SH2D3A: variants seen among roughly 807,000 people sequenced by gnomAD.
SH2D3A encodes the protein SH2 domain containing 3A.
SH2D3A carries 46 observed loss-of-function variants against 50.6 expected under a neutral mutation model. The ratio of observed to expected loss-of-function variants is 0.91; its 90% confidence interval spans 0.72 to 1.16. SH2D3A has a LOEUF of 1.16. Among genes scored for constraint, SH2D3A ranks in the 50% most tolerant of loss-of-function variants. The probability of loss-of-function intolerance (pLI) is 0.00; values close to 1 mark genes in which losing one functional copy is unlikely to be tolerated. For synonymous variants in SH2D3A, 377 were observed against 348.4 expected, an observed-to-expected ratio of 1.08 and a Z score of -0.91; for missense variants, 783 against 786.2, an observed-to-expected ratio of 1.00 and a Z score of 0.05.
intron 4 of SH2D3A, chr19:6,757,722 A>G (rs1969777007): frequency 6.6e-6 from 1 of 152,190 alleles, no homozygotes; most frequent in South Asian, 2.1e-4. Flanking sequence ...AGGTGGGTGG[A>G]TCACCTGAGG....
At chr19:6,760,080 A>G (rs1209634100) in intron 3 of SH2D3A, among the ~76,000 whole-genome samples, 2 of 151,150 alleles carry the variant, frequency 1.3e-5, no homozygotes, top group Non-Finnish European at 2.9e-5. Context: ...CTCTACTAAA[A>G]ATACAAAAAA....
Position 6,760,653 on chromosome 19 carries a change from C to T in SH2D3A, c.404G>A (p.Arg135Gln), listed in dbSNP as rs747298142. The T allele has an allele frequency of 6.3e-7, 1 of 1,581,814 alleles. No homozygotes were observed. Among genetic ancestry groups the T allele is most frequent in the Admixed American group, 1.8e-5 (1 of 56,844 alleles). ...CTGTGAGTACCTGAGAGGCTCTATC[C>T]GAGCTGGGCCATCCATCAGGGTGTC... ...SEDTLMDGPA[R>Q]IEPLRARKWS... The change falls in exon 3 of 10, where the codon CGG becomes CAG. Residue 135 changes from arginine to glutamine, a missense_variant. Physicochemically the swap from Arg to Gln is conservative, Grantham distance 43. Transcript: ENST00000245908.
intron 2 of SH2D3A, among the ~76,000 whole-genome samples, chr19:6,761,873 C>G (rs945630546): frequency 2.0e-5 from 3 of 150,358 alleles, no homozygotes; most frequent in African/African-American, 7.4e-5. Context: ...CGCTTGAACC[C>G]AGGAGGCAGA....
At chr19:6,764,070 ACC>A (rs1970177972) in intron 1 of SH2D3A, 1 of 168,902 alleles carries the variant, frequency 5.9e-6, no homozygotes, top group South Asian at 1.4e-4. Context: ...GCACCACCAC[ACC>A]CAGCTAATGT....
intron 2 of SH2D3A, among the ~76,000 whole-genome samples, chr19:6,761,950 A>C (rs1261535188): frequency 7.4e-6 from 1 of 134,842 alleles, no homozygotes; most frequent in Non-Finnish European, 1.6e-5. Context: ...TCATGTCTCA[A>C]AAACAAAAAA....
rs1047471525 is a variant in SH2D3A at position 6,753,947 on chromosome 19, G to T, written c.1384+105C>A. On this transcript the variant is annotated intron_variant, in intron 8 of 9. Coordinates refer to ENST00000245908, the MANE Select transcript of SH2D3A (RefSeq NM_005490.3). ...TGGAGGGCGGGGCCTATGGTGAAGG[G>T]ACCGGGCCTAGAACAGATGCAGGGA... 5.9e-6 allele frequency: 8 copies of T among 1,352,048 alleles called. No individual in the cohort carries two copies. The African/African-American group carries it at 1.0e-4, about 17-fold the overall frequency. The allele number at this position is 1,352,048 out of a possible 1,614,324, so 83.8% of individuals were successfully genotyped here.
chr19:6,755,122 C>T lies in SH2D3A; in HGVS notation c.690G>A (p.Thr230=), dbSNP rs770623999. 59 of 1,613,728 alleles carry T rather than the reference C, an allele frequency of 3.7e-5. No individual in the cohort carries two copies. The highest frequency in any genetic ancestry group is 1.1e-4 in the South Asian group (10 of 91,068). Residue 230 remains threonine (T), a synonymous_variant, in exon 5 of 10, where the codon ACG becomes ACA. Transcript: ENST00000245908. ...ELPDASERPP[T]YCELVPRVPS... ...GCACTCGGGGCACCAGCTCGCAGTA[C>T]GTCGGGGGACGTTCAGAGGCATCAG... is the stretch of plus-strand genomic sequence containing the variant.
chr19:6,754,694 C>G lies in SH2D3A; in HGVS notation c.1019G>C (p.Gly340Ala). 9 of 1,614,168 alleles carry G rather than the reference C, an allele frequency of 5.6e-6. No homozygotes were observed. The highest frequency in any genetic ancestry group is 7.6e-6 in the Non-Finnish European group (9 of 1,180,024). Residue 340 changes from glycine to alanine, a missense_variant, in exon 6 of 10, where the codon GGC (glycine) becomes GCC (alanine). By Grantham distance (60) the Gly-to-Ala change is moderately conservative. Transcript: ENST00000245908. Reference sequence around the variant, plus strand: ...CAGGCCAGATGAGACTCCCATGTTGCCCCGCTGATCTCTGGTCACTCCCAG... The same window carrying G: ...CAGGCCAGATGAGACTCCCATGTTGGCCCGCTGATCTCTGGTCACTCCCAG... ...GLLGVTRDQR[G>A]NMGVSSGLEL...
intron 1 of SH2D3A, 36 bp from the exon 2 acceptor site, chr19:6,763,852 C>T: frequency 1.5e-6 from 1 of 680,944 alleles, no homozygotes; most frequent in Non-Finnish European, 2.4e-6. Context: ...GCTTGAGTGT[C>T]TGGGTCAGCT....
intron 3 of SH2D3A, 150 bp from the exon 4 acceptor site, chr19:6,759,820 G>A (rs2144616860): frequency 1.5e-6 from 1 of 680,176 alleles, no homozygotes; most frequent in African/African-American, 1.8e-5. Flanking sequence ...GCAACGTGTG[G>A]AGACATCTTT....
Position 6,752,495 on chromosome 19 carries a change from C to T in SH2D3A, c.*98G>A. On this transcript the variant is annotated 3_prime_UTR_variant, in exon 10 of 10. Transcript: ENST00000245908. ...CTTCTGTGAGGCACAGGGCAGGATT[C>T]CACCTGAGGCGCGAGGAGCCTGGGA... The T allele has an allele frequency of 8.3e-7, 1 of 1,203,512 alleles. No individual in the cohort carries two copies. Among genetic ancestry groups the T allele is most frequent in the Non-Finnish European group, 1.1e-6 (1 of 905,400 alleles). The allele number at this position is 1,203,512 out of a possible 1,614,324, so 74.6% of individuals were successfully genotyped here. A position where few individuals can be genotyped will look rare whatever the true frequency, so the allele number is the denominator to read the frequency against.
At chr19:6,761,379 A>C (rs1437839762) in intron 2 of SH2D3A, among the ~76,000 whole-genome samples, 2 of 152,194 alleles carry the variant, frequency 1.3e-5, no homozygotes, top group Admixed American at 6.5e-5. Context: ...TTGGCTCCCA[A>C]CTGATTTATG....
chr19:6,754,678 T>G lies in SH2D3A; in HGVS notation c.1035A>C (p.Ser345=), dbSNP rs775927735. 2 of 1,614,164 alleles carry G rather than the reference T, an allele frequency of 1.2e-6. No individual in the cohort carries two copies. The highest frequency in any genetic ancestry group is 1.7e-6 in the Non-Finnish European group (2 of 1,180,018). The part of the protein sequence containing the change: ...TRDQRGNMGV[S]SGLELLTLPH... ...GAAGAGTGAGCAGCTCCAGGCCAGA[T>G]GAGACTCCCATGTTGCCCCGCTGAT... Residue 345 remains serine (S), a synonymous_variant, in exon 6 of 10, where the codon TCA becomes TCC. Transcript: ENST00000245908.
intron 3 of SH2D3A, among the ~76,000 whole-genome samples, chr19:6,760,109 T>G (rs1969923626): frequency 1.3e-5 from 2 of 151,292 alleles, no homozygotes; most frequent in African/African-American, 4.9e-5. Flanking sequence ...GCGTGGTGGC[T>G]CATGCCTGTA....
At position 6,760,631 on chromosome 19, in the gene SH2D3A, T is replaced by C. The variant is rs1172683095; in HGVS notation, c.419+7A>G. On this transcript the variant is annotated splice_region_variant and intron_variant, in intron 3 of 9. Transcript: ENST00000245908. ...TGTTCTCAAGGAGGCAGGGAGACTGTGAGTACCTGAGAGGCTCTATCCGAG... is the reference window on the plus strand; with the variant it reads ...TGTTCTCAAGGAGGCAGGGAGACTGCGAGTACCTGAGAGGCTCTATCCGAG... 6.5e-7 allele frequency: 1 copy of C among 1,545,180 alleles called. No individual in the cohort carries two copies.
intron 2 of SH2D3A, among the ~76,000 whole-genome samples, chr19:6,762,946 A>AT (rs1374817835): frequency 6.6e-6 from 1 of 152,040 alleles, no homozygotes; most frequent in Non-Finnish European, 1.5e-5. Flanking sequence ...CAATTATGGG[A>AT]TTTTAACTAT....
chr19:6,757,291 C>A (rs1252918906), intron 4 of SH2D3A: 1 of 150,322 alleles, frequency 6.7e-6, no homozygotes, highest in Non-Finnish European at 1.5e-5. Context: ...GCCATTGCAC[C>A]CAGCCCTTTC....
Position 6,752,438 on chromosome 19 carries a change from G to A in SH2D3A, c.*155C>T, listed in dbSNP as rs1969367527. ...GATCTGCAGGTCACATGTTCACCAT[G>A]GTCCAGGTGACCCTGACTGCGGTCC... On this transcript the variant is annotated 3_prime_UTR_variant, in exon 10 of 10. Coordinates refer to ENST00000245908, the MANE Select transcript of SH2D3A (RefSeq NM_005490.3). The A allele has an allele frequency of 1.8e-6, 1 of 562,726 alleles. No individual in the cohort carries two copies. Among genetic ancestry groups the A allele is most frequent in the Non-Finnish European group, 2.8e-6 (1 of 358,756 alleles). The allele number at this position is 562,726 out of a possible 1,614,324, so 34.9% of individuals were successfully genotyped here. A position where few individuals can be genotyped will look rare whatever the true frequency, so the allele number is the denominator to read the frequency against.
intron 1 of SH2D3A, among the ~76,000 whole-genome samples, chr19:6,766,940 A>C (rs1446110664): frequency 6.6e-6 from 1 of 152,098 alleles, no homozygotes; most frequent in South Asian, 2.1e-4. Context: ...AAAGGCCTGG[A>C]GCTGAGATGG....
Sources: gnomAD v4.1 joint callset for allele counts (sites outside exome capture counted in the v4.1 genomes callset) on GRCh38, gnomAD v4.1.1 for gene constraint, MANE v1.5 for transcripts, NCBI Gene and HGNC (gene_info 2026-07-23, HGNC 2026-07-21) for gene names.